The following GALNS variants were observed in gnomAD, a reference collection of about 807,000 sequenced individuals.
The protein encoded by GALNS is galactosamine (N-acetyl)-6-sulfatase, also known as N-acetylgalactosamine-6-sulfatase.
In GALNS, 65 loss-of-function variants were observed where a neutral mutation model predicts 65.9. That is an observed-to-expected ratio of 0.99 (90% CI 0.81 to 1.21). The LOEUF is 1.21. Ranked by LOEUF, GALNS falls within the 50% of genes most tolerant of loss-of-function variation. The pLI, the probability that GALNS is intolerant of heterozygous loss-of-function variation, is 0.00. For synonymous variants in GALNS, 346 were observed against 288.9 expected (o/e 1.20, Z -2.00); for missense variants, 776 against 700.7 (o/e 1.11, Z -1.21).
chr16:88,840,896 C>T, intron 4 of GALNS, 96 bp downstream of exon 4: 1 of 958,880 alleles, frequency 1.0e-6, no homozygotes, highest in South Asian at 1.3e-5. Context: ...CCCAAGACAC[C>T]CTCCTCATTT....
intron 1 of GALNS, among the ~76,000 whole-genome samples, chr16:88,851,140 A>G (rs1026825504): frequency 2.6e-5 from 4 of 152,196 alleles, no homozygotes; most frequent in Admixed American, 6.5e-5. Flanking sequence ...GCCTCCCTGC[A>G]GAGTGAGCAG....
chr16:88,835,878 C>T, intron 6 of GALNS, 29 bp from the exon 7 acceptor site: 1 of 1,613,502 alleles, frequency 6.2e-7, no homozygotes, highest in Non-Finnish European at 8.5e-7. Flanking sequence ...CGTCGTCCTC[C>T]AGCCTCAGGC....
chr16:88,814,441 A>C lies in GALNS; in HGVS notation c.1567T>G (p.Ter523GluextTer92), dbSNP rs1348149236. ...CCTGGCCTGAGTCTGCGCAGGTGCT[A>C]GTGGGACCAGAGGCACTTCTTGGGA... Reference protein sequence around the residue: ...SIPKKCLWSH* With the variant: ...SIPKKCLWSHE Residue 523 changes from the stop codon to glutamate, a stop_lost, in exon 14 of 14, where the codon TAG (stop) becomes GAG (glutamate). Transcript: ENST00000268695. The C allele has an allele frequency of 6.4e-7, 1 of 1,558,840 alleles. No homozygotes were observed.
intron 8 of GALNS, among the ~76,000 whole-genome samples, chr16:88,832,552 G>A (rs1034664442): frequency 6.6e-6 from 1 of 152,214 alleles, no homozygotes; most frequent in African/African-American, 2.4e-5. Context: ...TTTCTGACAA[G>A]CCCCCAAGAC....
chr16:88,814,897 C>T lies in GALNS; in HGVS notation c.1483-372G>A, dbSNP rs151095535. 6 of 401,118 alleles carry T rather than the reference C, an allele frequency of 1.5e-5. No individual in the cohort carries two copies. The East Asian group carries it at 9.8e-4, about 65-fold the overall frequency. 24.8% of individuals were successfully genotyped at this position (401,118 alleles called of 1,614,324 possible). ...TACAGGTGTGAGCCACCACGCCCAA[C>T]CATTTTTGTATTTTTGGTAGAGACA... On this transcript the variant is annotated intron_variant, in intron 13 of 13. Transcript: ENST00000268695.
intron 9 of GALNS, among the ~76,000 whole-genome samples, chr16:88,831,741 G>A (rs1911514748): frequency 2.6e-5 from 1 of 38,314 alleles, no homozygotes; most frequent in South Asian, 1.3e-3. Flanking sequence ...CACGGGGTGC[G>A]TGGGGAGGAG....
At chr16:88,850,696 AC>A (rs1329825019) in intron 1 of GALNS, among the ~76,000 whole-genome samples, 1 of 151,922 alleles carries the variant, frequency 6.6e-6, no homozygotes. Context: ...GCAGCGTGGA[AC>A]CCTCCCCAGG....
rs1966993257 is a variant in GALNS at position 88,841,939 on chromosome 16, T to C, written c.277A>G (p.Ile93Val). Residue 93 changes from isoleucine (I) to valine (V), a missense_variant, in exon 3 of 14, where the codon ATC becomes GTC. Transcript: ENST00000268695. ...RAALLTGRLP[I>V]RNGFYTTNAH... ...TTGGTGGTGTAGAAGCCATTGCGGA[T>C]GGGTAGCCGTCCTGTGAGCAGTGCC... 7 of 1,613,504 alleles carry C rather than the reference T, an allele frequency of 4.3e-6. No individual in the cohort carries two copies. The highest frequency in any genetic ancestry group is 5.9e-6 in the Non-Finnish European group (7 of 1,179,834).
intron 4 of GALNS, among the ~76,000 whole-genome samples, chr16:88,838,195 A>G (rs1421079857): frequency 6.6e-6 from 1 of 151,988 alleles, no homozygotes. Flanking sequence ...GGCAGAAAAT[A>G]TTTCCTGCCA....
At chr16:88,824,331 G>A (rs1208655289) in intron 11 of GALNS, among the ~76,000 whole-genome samples, 1 of 152,074 alleles carries the variant, frequency 6.6e-6, no homozygotes, top group African/African-American at 2.4e-5. Flanking sequence ...CAGGCCCTGT[G>A]CGTGTGGCGT....
At chr16:88,842,010 G>C in intron 2 of GALNS, 39 bp from the exon 3 acceptor site, 1 of 1,579,882 alleles carries the variant, frequency 6.3e-7, no homozygotes, top group Non-Finnish European at 8.6e-7. Flanking sequence ...GGATAAGAAG[G>C]GTGTGGCTCA....
intron 1 of GALNS, among the ~76,000 whole-genome samples, chr16:88,849,912 T>C (rs1411379308): frequency 6.6e-6 from 1 of 152,210 alleles, no homozygotes; most frequent in East Asian, 1.9e-4. Flanking sequence ...CAGTGGCACC[T>C]AGTCACAGTG....
chr16:88,837,816 G>A, intron 4 of GALNS, 51 bp from the exon 5 acceptor site: 2 of 1,602,574 alleles, frequency 1.2e-6, no homozygotes, highest in South Asian at 2.2e-5. Context: ...GGGACACTCG[G>A]AAGTTCTGAG....
chr16:88,827,353 G>A (rs1045682958), intron 9 of GALNS, among the ~76,000 whole-genome samples: 4 of 152,210 alleles, frequency 2.6e-5, no homozygotes, highest in African/African-American at 4.8e-5. Flanking sequence ...CTTTCCCGCC[G>A]TGCCTTGACC....
At chr16:88,835,485 C>A in intron 7 of GALNS, 133 bp from the exon 8 acceptor site, 2 of 1,338,972 alleles carry the variant, frequency 1.5e-6, no homozygotes, top group Non-Finnish European at 2.1e-6. Context: ...ACTGGCCGGC[C>A]TCTTCCCAGA....
intron 12 of GALNS, 47 bp downstream of exon 12, chr16:88,822,542 T>C: frequency 6.2e-7 from 1 of 1,608,448 alleles, no homozygotes; most frequent in Non-Finnish European, 8.5e-7. Context: ...TTTGGGGGAG[T>C]CCGGCTGGCA....
intron 5 of GALNS, 62 bp downstream of exon 5, chr16:88,837,560 G>C: frequency 6.4e-7 from 1 of 1,564,786 alleles, no homozygotes; most frequent in Non-Finnish European, 8.8e-7. Flanking sequence ...TAGAGGCGGG[G>C]GGCAGGCACG....
chr16:88,853,030 C>G (rs1364707462), intron 1 of GALNS, among the ~76,000 whole-genome samples: 1 of 151,944 alleles, frequency 6.6e-6, no homozygotes, highest in African/African-American at 2.4e-5. Context: ...GCAGGCAGAT[C>G]ACCTGAGGTC....
At position 88,824,634 on chromosome 16, in the gene GALNS, A is replaced by G. The variant is rs1472140195; in HGVS notation, c.1242+133T>C. On this transcript the variant is annotated intron_variant, in intron 11 of 13. Coordinates refer to ENST00000268695, the MANE Select transcript of GALNS (RefSeq NM_000512.5). ...CACGCTGAACGACTGGGGGCCACAC[A>G]GAGAAGGCTGTGGAGGGGGTGGAGT... The G allele has an allele frequency of 4.0e-6, 3 of 751,258 alleles. No individual in the cohort carries two copies. The African/African-American group carries it at 5.1e-5, about 13-fold the overall frequency. The allele number at this position is 751,258 out of a possible 1,614,324, so 46.5% of individuals were successfully genotyped here.
Sources: gnomAD v4.1 joint callset for allele counts (sites outside exome capture counted in the v4.1 genomes callset) on GRCh38, gnomAD v4.1.1 for gene constraint, MANE v1.5 for transcripts, NCBI Gene and HGNC (gene_info 2026-07-23, HGNC 2026-07-21) for gene names.